Variants in BBX observed in about 807,000 individuals in gnomAD.
BBX encodes BBX high mobility group box domain containing, also known as HMG box transcription factor BBX.
In BBX, 30 loss-of-function variants were observed where a neutral mutation model predicts 100.2. The ratio of observed to expected loss-of-function variants is 0.30; its 90% CI spans 0.22 to 0.41. The LOEUF (loss-of-function observed/expected upper bound fraction) is 0.41. Among genes scored for constraint, BBX ranks in the 10% least tolerant of loss-of-function variants. The pLI is 1.00. For missense variants in BBX, 1,023 were observed against 1,129.8 expected, an observed-to-expected ratio of 0.91 and a Z score of 1.35; for synonymous variants, 376 against 388.1, an observed-to-expected ratio of 0.97 and a Z score of 0.37.
In BBX at chr3:107,734,155, G is replaced by A. The variant is rs188240525; in HGVS notation, c.669+1132G>A. The stretch of plus-strand genomic sequence containing the variant: ...TGAAGGCTATTCAAATAGTGGTTTT[G>A]TAGACATATAATTAGATAATAACCT... On this transcript the variant is annotated intron_variant, in intron 7 of 17. Coordinates refer to ENST00000325805, the MANE Select transcript of BBX (RefSeq NM_001142568.3). Among the ~76,000 whole-genome samples the A allele has an allele frequency of 6.6e-5, 10 of 152,214 alleles. No individual in the cohort carries two copies. In the East Asian group the frequency reaches 1.9e-3, roughly 29 times the overall value.
At chr3:107,696,275 G>A (rs922274059) in intron 3 of BBX, among the ~76,000 whole-genome samples, 7 of 151,792 alleles carry the variant, frequency 4.6e-5, no homozygotes, top group African/African-American at 1.7e-4. Context: ...TTAGTTGATC[G>A]CAGTTTCTTC....
intron 2 of BBX, among the ~76,000 whole-genome samples, chr3:107,564,546 G>A (rs576698): frequency 0.11 from 16,575 of 152,162 alleles, 1,009 homozygotes; most frequent in Non-Finnish European, 0.12. Context: ...GTTGTGAGAT[G>A]TAGATGAATC....
At chr3:107,617,423 A>C (rs938668797) in intron 2 of BBX, among the ~76,000 whole-genome samples, 1 of 152,206 alleles carries the variant, frequency 6.6e-6, no homozygotes, top group East Asian at 1.9e-4. Flanking sequence ...TGCTGTGTCT[A>C]CAAGATTATA....
chr3:107,804,255 T>C (rs915292861), intron 17 of BBX, among the ~76,000 whole-genome samples: 3 of 152,208 alleles, frequency 2.0e-5, no homozygotes, highest in African/African-American at 4.8e-5. Context: ...AACTTGAGTA[T>C]AGTTATAGAG....
intron 15 of BBX, 57 bp downstream of exon 15, chr3:107,791,356 T>C: frequency 7.9e-7 from 1 of 1,273,008 alleles, no homozygotes; most frequent in Non-Finnish European, 1.1e-6. Context: ...TGACATAAGT[T>C]GTATAGGTTT....
chr3:107,726,216 T>C (rs2062921575), intron 5 of BBX, among the ~76,000 whole-genome samples: 1 of 152,036 alleles, frequency 6.6e-6, no homozygotes, highest in South Asian at 2.1e-4. Flanking sequence ...CTTTCTACTA[T>C]TGTCTTTTAG....
intron 17 of BBX, among the ~76,000 whole-genome samples, chr3:107,803,880 T>A (rs2070790426): frequency 6.6e-6 from 1 of 152,176 alleles, no homozygotes; most frequent in Admixed American, 6.5e-5. Context: ...TTCCATTGAT[T>A]TAGCTGGACT....
At chr3:107,535,573 A>C (rs565851066) in intron 2 of BBX, among the ~76,000 whole-genome samples, 1 of 147,810 alleles carries the variant, frequency 6.8e-6, no homozygotes, top group African/African-American at 2.5e-5. Context: ...TGAATATTCT[A>C]TATCGTTTGT....
At chr3:107,628,309 C>T (rs1179675778) in intron 2 of BBX, among the ~76,000 whole-genome samples, 1 of 151,474 alleles carries the variant, frequency 6.6e-6, no homozygotes, top group Non-Finnish European at 1.5e-5. Context: ...AATTAAAAAG[C>T]AGCTGATTAT....
intron 6 of BBX, among the ~76,000 whole-genome samples, chr3:107,732,743 A>C (rs1191701057): frequency 6.6e-6 from 1 of 152,210 alleles, no homozygotes; most frequent in African/African-American, 2.4e-5. Context: ...ATGGTGAGAC[A>C]AGAGTGGTAT....
chr3:107,524,798 G>T (rs1247738052), intron 1 of BBX, among the ~76,000 whole-genome samples: 6 of 135,338 alleles, frequency 4.4e-5, no homozygotes, highest in African/African-American at 1.8e-4. Flanking sequence ...AGGTGGGGTG[G>T]AGGTGGGGGG....
intron 2 of BBX, among the ~76,000 whole-genome samples, chr3:107,561,960 T>C (rs996563020): frequency 1.3e-5 from 2 of 152,250 alleles, no homozygotes; most frequent in African/African-American, 4.8e-5. Context: ...CACAAACTGA[T>C]GTTCTTTATT....
chr3:107,534,771 T>G (rs1434847504), intron 2 of BBX, among the ~76,000 whole-genome samples: 1 of 152,238 alleles, frequency 6.6e-6, no homozygotes, highest in Admixed American at 6.5e-5. Context: ...TTATCAGGGC[T>G]CTGTGAAATT....
At chr3:107,682,481 C>T (rs980260860) in intron 3 of BBX, among the ~76,000 whole-genome samples, 1 of 152,084 alleles carries the variant, frequency 6.6e-6, no homozygotes, top group Non-Finnish European at 1.5e-5. Flanking sequence ...AGGGTCTACT[C>T]CAGCAAACCA....
rs540592465 is a variant in BBX, at chr3:107,593,776, A to G, written c.-83-52060A>G. ...AAGTGGAAAAACAAAACAAAACGAAACAAACAAACAAAAAAAGTCCCCCCA... is the reference window on the plus strand; with the variant it reads ...AAGTGGAAAAACAAAACAAAACGAAGCAAACAAACAAAAAAAGTCCCCCCA... On this transcript the variant is annotated intron_variant, in intron 2 of 17. Coordinates refer to ENST00000325805, the MANE Select transcript of BBX (RefSeq NM_001142568.3). 1.8e-4 allele frequency among the ~76,000 whole-genome samples: 28 copies of G among 152,246 alleles called. No homozygotes were observed. In the South Asian group the frequency reaches 5.8e-3, roughly 32 times the overall value.
intron 3 of BBX, among the ~76,000 whole-genome samples, chr3:107,701,340 T>G (rs866230385): frequency 1.3e-5 from 2 of 152,328 alleles, no homozygotes. Context: ...CAGAGTGGCC[T>G]TGGGCATGCT....
At chr3:107,602,450 C>G (rs754064717) in intron 2 of BBX, among the ~76,000 whole-genome samples, 33 of 152,130 alleles carry the variant, frequency 2.2e-4, no homozygotes, top group Non-Finnish European at 4.3e-4. Context: ...CATGGTGGCT[C>G]ACACCTATAA....
chr3:107,622,723 G>A (rs887188767), intron 2 of BBX, among the ~76,000 whole-genome samples: 9 of 152,096 alleles, frequency 5.9e-5, no homozygotes, highest in African/African-American at 2.2e-4. Flanking sequence ...TTCATGTGTT[G>A]ATTGATTTTG....
intron 2 of BBX, among the ~76,000 whole-genome samples, chr3:107,579,691 TAC>T (rs1374086543): frequency 6.6e-6 from 1 of 152,240 alleles, no homozygotes; most frequent in African/African-American, 2.4e-5. Context: ...CCTCTTTTAT[TAC>T]CAGAAAGAAG....
Sources: allele counts gnomAD v4.1 joint callset (sites outside exome capture counted in the v4.1 genomes callset), GRCh38; gene constraint gnomAD v4.1.1; transcripts MANE v1.5; gene names NCBI Gene and HGNC (gene_info 2026-07-23, HGNC 2026-07-21).